Variants in CDYL observed in about 807,000 individuals in gnomAD.
CDYL encodes chromodomain Y-like protein.
In CDYL, 8 loss-of-function variants were observed where a neutral mutation model predicts 47.3. The ratio of observed to expected loss-of-function variants is 0.17; its 90% CI spans 0.10 to 0.31. The LOEUF is 0.31. Ranked by LOEUF, CDYL falls within the 10% of genes least tolerant of loss-of-function variation. CDYL has a pLI of 1.00. For missense variants in CDYL, 471 were observed against 701.4 expected, an observed-to-expected ratio of 0.67 and a Z score of 3.71; for synonymous variants, 266 against 265.0, an observed-to-expected ratio of 1.00 and a Z score of -0.04.
At chr6:4,898,120 G>A (rs1446378445) in intron 2 of CDYL, among the ~76,000 whole-genome samples, 3 of 152,106 alleles carry the variant, frequency 2.0e-5, no homozygotes, top group African/African-American at 4.8e-5. Context: ...TACTTAAGAG[G>A]CTGAGGTGGG....
intron 1 of CDYL, among the ~76,000 whole-genome samples, chr6:4,818,108 C>T (rs1454855149): frequency 1.3e-5 from 2 of 151,912 alleles, no homozygotes; most frequent in East Asian, 1.9e-4. Flanking sequence ...ATACAAAAAT[C>T]AGCTGGGTAT....
At chr6:4,786,578 C>G (rs1348995770) in intron 1 of CDYL, among the ~76,000 whole-genome samples, 1 of 152,210 alleles carries the variant, frequency 6.6e-6, no homozygotes, top group African/African-American at 2.4e-5. Context: ...TACTTGTTTT[C>G]TGTCTGCAGT....
At chr6:4,819,158 CTCTCTGTGTG>C (rs1179590334) in intron 1 of CDYL, among the ~76,000 whole-genome samples, 155 of 129,044 alleles carry the variant, frequency 1.2e-3, no homozygotes, top group African/African-American at 4.1e-3. Context: ...CTCTCTCTCT[CTCTCTGTGTG>C]TGTGTGTGTG....
At chr6:4,934,980 A>G (rs897783099) in intron 2 of CDYL, among the ~76,000 whole-genome samples, 5 of 152,226 alleles carry the variant, frequency 3.3e-5, no homozygotes, top group Admixed American at 2.6e-4. Flanking sequence ...GCAGCTAGAA[A>G]CAACTCCTGA....
At chr6:4,938,485 T>G (rs1270182241) in intron 4 of CDYL, among the ~76,000 whole-genome samples, 1 of 152,224 alleles carries the variant, frequency 6.6e-6, no homozygotes, top group Non-Finnish European at 1.5e-5. Context: ...TATATACTTA[T>G]AGTGTACAAC....
chr6:4,844,401 C>G (rs1183491693), intron 1 of CDYL, among the ~76,000 whole-genome samples: 3 of 152,102 alleles, frequency 2.0e-5, no homozygotes, highest in South Asian at 2.1e-4. Context: ...TCAGCTGTCC[C>G]CTGGGGCCTG....
intron 1 of CDYL, among the ~76,000 whole-genome samples, chr6:4,711,675 T>C (rs1757155210): frequency 6.6e-6 from 1 of 152,178 alleles, no homozygotes; most frequent in Non-Finnish European, 1.5e-5. Flanking sequence ...AGGCTGAGTT[T>C]GTCTTCTGGG....
At chr6:4,905,640 C>T (rs1757212613) in intron 2 of CDYL, among the ~76,000 whole-genome samples, 1 of 152,196 alleles carries the variant, frequency 6.6e-6, no homozygotes, top group Non-Finnish European at 1.5e-5. Flanking sequence ...TGGGTCAGAG[C>T]CGAAGGGCCA....
intron 3 of CDYL, among the ~76,000 whole-genome samples, chr6:4,739,892 G>A (rs1757766494): frequency 6.6e-6 from 1 of 152,044 alleles, no homozygotes; most frequent in Admixed American, 6.6e-5. Flanking sequence ...GGCAGAGGTT[G>A]TGGTGAGCCA....
chr6:4,946,923 C>T (rs1219495806), intron 5 of CDYL, among the ~76,000 whole-genome samples: 5 of 152,196 alleles, frequency 3.3e-5, no homozygotes, highest in Non-Finnish European at 7.3e-5. Flanking sequence ...GGGCCCCCAC[C>T]TCCCTCGTGC....
upstream of CDYL, among the ~76,000 whole-genome samples, chr6:4,773,686 G>A (rs142917590): frequency 3.5e-3 from 531 of 152,272 alleles, no homozygotes; most frequent in Non-Finnish European, 5.0e-3. This position sits in a 1 kb window ranked among gnomAD's most constrained non-coding sequence, Gnocchi z 4.6. Context: ...TTTCTCAGTC[G>A]CTAGGTGGAT....
intron 3 of CDYL, among the ~76,000 whole-genome samples, chr6:4,764,025 C>G (rs1456296421): frequency 6.6e-6 from 1 of 151,952 alleles, no homozygotes; most frequent in East Asian, 1.9e-4. Flanking sequence ...AGAAACAGAA[C>G]AAGTAGGAAA....
At chr6:4,816,443 T>C (rs914311555) in intron 1 of CDYL, among the ~76,000 whole-genome samples, 5 of 151,862 alleles carry the variant, frequency 3.3e-5, no homozygotes, top group Non-Finnish European at 5.9e-5. Context: ...TTTAAGTACT[T>C]TGCAGATATT....
At chr6:4,805,759 GT>G (rs935687493) in intron 1 of CDYL, among the ~76,000 whole-genome samples, 4 of 152,190 alleles carry the variant, frequency 2.6e-5, no homozygotes, top group Admixed American at 2.0e-4. Flanking sequence ...CTACCTCTTT[GT>G]TCTCTCCAGG....
chr6:4,805,597 C>T (rs1759346817), intron 1 of CDYL, among the ~76,000 whole-genome samples: 2 of 152,130 alleles, frequency 1.3e-5, no homozygotes, highest in Admixed American at 1.3e-4. Flanking sequence ...GGAGTTCCAG[C>T]CCAAACCCGA....
intron 1 of CDYL, among the ~76,000 whole-genome samples, chr6:4,826,957 T>A: frequency 1.3e-5 from 2 of 152,246 alleles, no homozygotes; most frequent in East Asian, 3.8e-4. Flanking sequence ...TTCAGCTTTG[T>A]CAATATTTGC....
chr6:4,923,722 C>T (rs887159847), intron 2 of CDYL, among the ~76,000 whole-genome samples: 5 of 152,100 alleles, frequency 3.3e-5, no homozygotes, highest in African/African-American at 7.2e-5. Context: ...CGGTGAAACC[C>T]CGTCTCTACT....
At chr6:4,813,798 G>A (rs1238045949) in intron 1 of CDYL, among the ~76,000 whole-genome samples, 2 of 151,980 alleles carry the variant, frequency 1.3e-5, no homozygotes, top group African/African-American at 4.8e-5. Context: ...TTCAAGACAG[G>A]ATCTTGCTCT....
At chr6:4,916,411 A>G (rs984584778) in intron 2 of CDYL, among the ~76,000 whole-genome samples, 1 of 152,226 alleles carries the variant, frequency 6.6e-6, no homozygotes, top group Non-Finnish European at 1.5e-5. Context: ...ACTTGTGGAT[A>G]ATTTCCTCAA....
Sources: allele counts gnomAD v4.1 joint callset (sites outside exome capture counted in the v4.1 genomes callset), GRCh38; gene constraint gnomAD v4.1.1; non-coding constraint Gnocchi (gnomAD v3.1); transcripts MANE v1.5; gene names NCBI Gene and HGNC (gene_info 2026-07-23, HGNC 2026-07-21).